FREM3: variants seen among roughly 807,000 people sequenced by gnomAD.
The protein encoded by FREM3 is FRAS1-related extracellular matrix protein 3.
In FREM3, 105 loss-of-function variants were observed where a neutral mutation model predicts 129.1. The ratio of observed to expected loss-of-function variants is 0.81; its 90% CI spans 0.69 to 0.96. The LOEUF (loss-of-function observed/expected upper bound fraction) is 0.96, where lower values mean the gene tolerates loss of function less well. Ranked by LOEUF, FREM3 falls within the 40% of genes least tolerant of loss-of-function variation. FREM3 has a pLI of 0.00. For synonymous variants in FREM3, 1,014 were observed against 1,044.9 expected (o/e 0.97, Z 0.57); for missense variants, 2,593 against 2,666.3 (o/e 0.97, Z 0.61).
At chr4:143,690,531 A>G (rs1000074296) in intron 2 of FREM3, among the ~76,000 whole-genome samples, 8 of 152,120 alleles carry the variant, frequency 5.3e-5, no homozygotes, top group African/African-American at 1.7e-4. Flanking sequence ...AACAACAACA[A>G]CAACATCTCC....
At chr4:143,693,073 G>T (rs534565210) in intron 2 of FREM3, 40 bp downstream of exon 2, 18 of 1,074,884 alleles carry the variant, frequency 1.7e-5, no homozygotes, top group Non-Finnish European at 2.3e-5. Flanking sequence ...GTTGATTTTA[G>T]TTAACCATGA....
chr4:143,679,131 A>G (rs554512132), intron 2 of FREM3, among the ~76,000 whole-genome samples: 1 of 152,216 alleles, frequency 6.6e-6, no homozygotes, highest in African/African-American at 2.4e-5. Flanking sequence ...GGTCTCCACC[A>G]GAAATTATAG....
Position 143,698,601 on chromosome 4 carries a change from G to A in FREM3, c.2075C>T (p.Thr692Ile), listed in dbSNP as rs1740627330. 6.5e-7 allele frequency: 1 copy of A among 1,537,698 alleles called. No homozygotes were observed. Among genetic ancestry groups the A allele is most frequent in the Admixed American group, 2.0e-5 (1 of 50,986 alleles). ...TATATCCACTGGTTGGACCTTGATG[G>A]TGAAAATGTGCTGTTTGGAGAGATT... ...PPNLSKQHIF[T>I]IKVQPVDILS... Residue 692 changes from threonine to isoleucine, a missense_variant, in exon 1 of 8, where the codon ACC becomes ATC. Thr to Ile is a moderately conservative substitution (Grantham distance 89). Around this residue, in one of 2 missense-constraint regions of FREM3, gnomAD observed 2,276 missense variants for 2,267.2 expected, o/e 1.00. Coordinates refer to ENST00000329798, the MANE Select transcript of FREM3 (RefSeq NM_001168235.2).
At chr4:143,588,548 C>T (rs1738287623) in intron 6 of FREM3, among the ~76,000 whole-genome samples, 1 of 152,178 alleles carries the variant, frequency 6.6e-6, no homozygotes, top group Admixed American at 6.5e-5. Context: ...CCAGCTTCAT[C>T]GATGTCCCTA....
intron 7 of FREM3, among the ~76,000 whole-genome samples, chr4:143,580,450 A>C (rs1738111034): frequency 1.3e-5 from 2 of 152,162 alleles, no homozygotes; most frequent in Non-Finnish European, 2.9e-5. Context: ...GCCTCCAGAC[A>C]GACACAGGGA....
intron 2 of FREM3, among the ~76,000 whole-genome samples, chr4:143,673,158 G>A (rs112986092): frequency 0.073 from 11,073 of 152,292 alleles, 1,074 homozygotes; most frequent in African/African-American, 0.21. Flanking sequence ...TTTGGAGGAG[G>A]AGAGGCTGTC....
Position 143,622,091 on chromosome 4 carries a change from CT to C in FREM3, c.5654-930del, listed in dbSNP as rs35974796. Among the ~76,000 whole-genome samples the C allele has an allele frequency of 5.8e-3, 800 of 137,286 alleles. 3 individuals carry two copies. Among genetic ancestry groups the C allele is most frequent in the Middle Eastern group, 0.022 (6 of 270 alleles). 90.1% of individuals were successfully genotyped at this position (137,286 alleles called of 152,430 possible). On this transcript the variant is annotated intron_variant, in intron 4 of 7. Coordinates refer to ENST00000329798, the MANE Select transcript of FREM3 (RefSeq NM_001168235.2). ...AAGGGAAAAGATTGTAGGCAATCAC[CT>C]TTTTTTTTTTTTTTTTGAGGCAGGG...
chr4:143,681,038 C>A (rs1173082387), intron 2 of FREM3, among the ~76,000 whole-genome samples: 1 of 151,898 alleles, frequency 6.6e-6, no homozygotes, highest in Non-Finnish European at 1.5e-5. Context: ...CTTTAAACAC[C>A]AAATCATTTG....
chr4:143,651,403 C>G (rs760809255), intron 2 of FREM3, among the ~76,000 whole-genome samples: 3 of 152,106 alleles, frequency 2.0e-5, no homozygotes, highest in African/African-American at 2.4e-5. Flanking sequence ...TACAAAAGAC[C>G]GAAATCCCAA....
At chr4:143,686,778 A>G (rs566266927) in intron 2 of FREM3, among the ~76,000 whole-genome samples, 14 of 152,284 alleles carry the variant, frequency 9.2e-5, no homozygotes, top group Admixed American at 7.2e-4. Context: ...TTCGAACCGA[A>G]CGACAATAAT....
At chr4:143,600,857 T>G (rs1384891639) in intron 6 of FREM3, among the ~76,000 whole-genome samples, 1 of 152,124 alleles carries the variant, frequency 6.6e-6, no homozygotes, top group East Asian at 1.9e-4. Flanking sequence ...AGCCAACATC[T>G]CTGCCTGAGA....
chr4:143,592,137 T>C (rs1738375583), intron 6 of FREM3, among the ~76,000 whole-genome samples: 1 of 152,244 alleles, frequency 6.6e-6, no homozygotes, highest in African/African-American at 2.4e-5. Flanking sequence ...TGTGTGTCTC[T>C]GCACGTGAGA....
chr4:143,660,292 T>G (rs1166611746), intron 2 of FREM3, among the ~76,000 whole-genome samples: 1 of 152,120 alleles, frequency 6.6e-6, no homozygotes, highest in Non-Finnish European at 1.5e-5. Flanking sequence ...AGTTTCAGCT[T>G]TCTACATATG....
chr4:143,589,497 A>G (rs1738314710), intron 6 of FREM3, among the ~76,000 whole-genome samples: 1 of 152,124 alleles, frequency 6.6e-6, no homozygotes, highest in Non-Finnish European at 1.5e-5. Flanking sequence ...TTAAATAGGG[A>G]ATCCTTTCCC....
At chr4:143,577,980 A>G (rs919289169) in intron 7 of FREM3, 128 bp from the exon 8 acceptor site, 19 of 1,083,190 alleles carry the variant, frequency 1.8e-5, no homozygotes, top group Admixed American at 1.7e-4. Flanking sequence ...AGGATCATAT[A>G]CTTTGGGTTT....
chr4:143,665,262 G>T (rs1739837132), intron 2 of FREM3, among the ~76,000 whole-genome samples: 2 of 151,970 alleles, frequency 1.3e-5, no homozygotes, highest in African/African-American at 4.8e-5. Context: ...ATTTTCTTGG[G>T]ACGCTTTCCT....
At chr4:143,689,427 C>T (rs1433664195) in intron 2 of FREM3, among the ~76,000 whole-genome samples, 2 of 152,126 alleles carry the variant, frequency 1.3e-5, no homozygotes, top group Non-Finnish European at 2.9e-5. Flanking sequence ...ATCACTTCTA[C>T]ACTGCCGGTG....
chr4:143,679,408 C>G (rs1176055818), intron 2 of FREM3, among the ~76,000 whole-genome samples: 1 of 152,148 alleles, frequency 6.6e-6, no homozygotes, highest in African/African-American at 2.4e-5. Context: ...TTGCCTACAG[C>G]AACAGTTGAA....
Position 143,699,411 on chromosome 4 carries a change from A to G in FREM3, c.1265T>C (p.Met422Thr). Reference sequence around the variant, plus strand: ...AGTATTCATGGATTTCACTGTCACCATGAAGGCAAAGGGGTCTGAGGCGGC... The same window carrying G: ...AGTATTCATGGATTTCACTGTCACCGTGAAGGCAAAGGGGTCTGAGGCGGC... The part of the protein sequence containing the change: ...DGAASDPFAF[M>T]VTVKSMNTLV... The change falls in exon 1 of 8, where the codon ATG becomes ACG. Residue 422 changes from methionine (M) to threonine (T), a missense_variant. Physicochemically the swap from Met to Thr is moderately conservative, Grantham distance 81. This residue lies in a region of FREM3 where 2,276 missense variants were observed against 2,267.2 expected (regional missense o/e 1.00). Coordinates refer to ENST00000329798, the MANE Select transcript of FREM3 (RefSeq NM_001168235.2). This position sits in a 1 kb window ranked among gnomAD's most constrained non-coding sequence, Gnocchi z 4.2. The G allele has an allele frequency of 6.5e-7, 1 of 1,537,314 alleles. No homozygotes were observed. Among genetic ancestry groups the G allele is most frequent in the Non-Finnish European group, 8.7e-7 (1 of 1,146,922 alleles).
Sources: gnomAD v4.1 joint callset for allele counts (sites outside exome capture counted in the v4.1 genomes callset) on GRCh38, gnomAD v4.1.1 for gene constraint, gnomAD v4.1.1 regional missense constraint, Gnocchi (gnomAD v3.1) non-coding constraint, MANE v1.5 for transcripts, NCBI Gene and HGNC (gene_info 2026-07-23, HGNC 2026-07-21) for gene names.